NBN: variants seen among roughly 807,000 people sequenced by gnomAD.
NBN encodes nibrin.
A neutral mutation model predicts 90.8 loss-of-function variants in NBN; 88 were observed. The observed-to-expected ratio is 0.97, with a 90% confidence interval of 0.82 to 1.16. The LOEUF (loss-of-function observed/expected upper bound fraction) is 1.16. Among genes scored for constraint, NBN ranks in the 50% most tolerant of loss-of-function variants. NBN has a pLI of 0.00. For missense variants in NBN, 894 were observed against 869.6 expected (o/e 1.03, Z -0.35); for synonymous variants, 328 against 295.1 (o/e 1.11, Z -1.14).
chr8:89,975,339 T>C (rs1239000617), intron 5 of NBN, among the ~76,000 whole-genome samples: 3 of 152,218 alleles, frequency 2.0e-5, no homozygotes, highest in Non-Finnish European at 2.9e-5. Flanking sequence ...GGTACTTATG[T>C]AATCAAAGGC....
At chr8:89,980,678 G>C (rs1186754756) in intron 4 of NBN, 56 bp downstream of exon 4, 41 of 1,474,352 alleles carry the variant, frequency 2.8e-5, no homozygotes, top group Non-Finnish European at 3.8e-5. Flanking sequence ...TGTATAGTGG[G>C]TAAGCTTAAA....
At chr8:89,978,938 G>A (rs1480928357) in intron 4 of NBN, among the ~76,000 whole-genome samples, 1 of 152,170 alleles carries the variant, frequency 6.6e-6, no homozygotes, top group Non-Finnish European at 1.5e-5. Flanking sequence ...ATTAGAAAAT[G>A]CTACAGTGGG....
At chr8:89,946,423 T>C (rs1391905509) in intron 12 of NBN, 128 bp from the exon 13 acceptor site, 3 of 803,426 alleles carry the variant, frequency 3.7e-6, no homozygotes, top group Non-Finnish European at 6.1e-6. Context: ...TTATTTCTTG[T>C]ACCTGAACTT....
intron 11 of NBN, among the ~76,000 whole-genome samples, chr8:89,951,259 C>A (rs966347060): frequency 7.5e-6 from 1 of 132,594 alleles, no homozygotes; most frequent in Non-Finnish European, 1.5e-5. Context: ...TTGCAGTGAG[C>A]GGAGATCACG....
chr8:89,980,824 T>C lies in NBN; in HGVS notation c.390A>G (p.Gln130=), dbSNP rs146150499. The C allele has an allele frequency of 1.3e-5, 21 of 1,612,716 alleles. No homozygotes were observed. Among genetic ancestry groups the C allele is most frequent in the Non-Finnish European group, 1.7e-5 (20 of 1,179,042 alleles). Residue 130 remains glutamine, a synonymous_variant, in exon 4 of 16, where the codon CAA becomes CAG. Coordinates refer to ENST00000265433, the MANE Select transcript of NBN (RefSeq NM_002485.5). ...LDVSGKTALN[Q]AILQLGGFTV... The stretch of plus-strand genomic sequence containing the variant: ...TAAATCCTCCAAGTTGCAATATAGC[T>C]TGATTTAAAGCAGTTTTCCCAGAGA...
chr8:89,947,570 G>A (rs770140762), intron 12 of NBN, among the ~76,000 whole-genome samples: 37 of 151,828 alleles, frequency 2.4e-4, no homozygotes, highest in Middle Eastern at 6.8e-3. Flanking sequence ...CTGAGGTTGC[G>A]GTGAGCCGAG....
At position 89,970,350 on chromosome 8, in the gene NBN, G is replaced by A; in HGVS notation, c.896+14C>T. The A allele has an allele frequency of 6.3e-7, 1 of 1,588,254 alleles. No homozygotes were observed. Among genetic ancestry groups the A allele is most frequent in the Non-Finnish European group, 8.6e-7 (1 of 1,157,794 alleles). The stretch of plus-strand genomic sequence containing the variant: ...CTACTTGCAGTTTTTTACTAATAAA[G>A]AATAATTCTATACCTTTGGAGCATA... On this transcript the variant is annotated intron_variant, in intron 7 of 15. Coordinates refer to ENST00000265433, the MANE Select transcript of NBN (RefSeq NM_002485.5).
At position 89,970,311 on chromosome 8, in the gene NBN, A is replaced by C. The variant is rs555339004; in HGVS notation, c.896+53T>G. On this transcript the variant is annotated intron_variant, in intron 7 of 15. Coordinates refer to ENST00000265433, the MANE Select transcript of NBN (RefSeq NM_002485.5). ...TAGGTGAAAAGCAACAAAAAAGGTTAAACATAAAATCTCCTACTTGCAGTT... is the reference window on the plus strand; with the variant it reads ...TAGGTGAAAAGCAACAAAAAAGGTTCAACATAAAATCTCCTACTTGCAGTT... 2.7e-6 allele frequency: 4 copies of C among 1,457,166 alleles called. No homozygotes were observed. The African/African-American group carries it at 5.6e-5, about 20-fold the overall frequency. The allele number at this position is 1,457,166 out of a possible 1,614,324, so 90.3% of individuals were successfully genotyped here. A position where few individuals can be genotyped will look rare whatever the true frequency, so the allele number is the denominator to read the frequency against.
At chr8:89,965,729 A>C (rs1293359295) in intron 7 of NBN, among the ~76,000 whole-genome samples, 1 of 152,082 alleles carries the variant, frequency 6.6e-6, no homozygotes, top group Admixed American at 6.5e-5. Flanking sequence ...GCCTCAAGTG[A>C]TCCACCCTCC....
In NBN at chr8:89,980,874, C is replaced by T. The variant is rs771034958; in HGVS notation, c.340G>A (p.Val114Ile). 1 of 1,612,648 alleles carries T rather than the reference C, an allele frequency of 6.2e-7. No homozygotes were observed. Reference sequence around the variant, plus strand: ...ACATCTAAACAAGAAGAGCATGCAACCAAAGGCTCATACTCTATTCTGTAA... The same window carrying T: ...ACATCTAAACAAGAAGAGCATGCAATCAAAGGCTCATACTCTATTCTGTAA... ...SKFRIEYEPL[V>I]ACSSCLDVSG... Residue 114 changes from valine to isoleucine, a missense_variant, in exon 4 of 16, where the codon GTT (valine) becomes ATT (isoleucine). By Grantham distance (29) the Val-to-Ile change is conservative (BLOSUM62 3). Coordinates refer to ENST00000265433, the MANE Select transcript of NBN (RefSeq NM_002485.5).
Position 89,939,544 on chromosome 8 carries a change from AAGG to A in NBN, c.2185-2472_2185-2470del, listed in dbSNP as rs150027528. On this transcript the variant is annotated intron_variant, in intron 14 of 15. Transcript: ENST00000265433. ...CAAAACTCGACAGTGTTAATTAATC[AAGG>A]AGAAGAGTTTAAGCCATGCCATACG... 3.9e-3 allele frequency among the ~76,000 whole-genome samples: 589 copies of A among 152,350 alleles called. 8 individuals carry two copies. Among genetic ancestry groups the A allele is most frequent in the African/African-American group, 0.013 (535 of 41,596 alleles).
intron 14 of NBN, among the ~76,000 whole-genome samples, chr8:89,937,665 T>C (rs1199391819): frequency 6.6e-6 from 1 of 152,190 alleles, no homozygotes; most frequent in Admixed American, 6.5e-5. Context: ...TTGAAACCCT[T>C]CGTGACTTCT....
In NBN at chr8:89,935,261, G is replaced by GTACT. The variant is rs1809615941; in HGVS notation, c.*320_*321insAGTA. ...TGAATTTTTTTCTGAGGGGAACCAA[G>GTACT]TAGCTAGGACAATGGTGGAAGGGTG... On this transcript the variant is annotated 3_prime_UTR_variant, in exon 16 of 16. Coordinates refer to ENST00000265433, the MANE Select transcript of NBN (RefSeq NM_002485.5). The GTACT allele has an allele frequency of 3.4e-6, 1 of 297,820 alleles. No individual in the cohort carries two copies. The highest frequency in any genetic ancestry group is 2.2e-5 in the African/African-American group (1 of 46,370). The allele number at this position is 297,820 out of a possible 1,614,324, so 18.4% of individuals were successfully genotyped here.
chr8:89,977,479 G>A (rs1049570682), intron 5 of NBN, among the ~76,000 whole-genome samples: 11 of 152,106 alleles, frequency 7.2e-5, no homozygotes, highest in African/African-American at 2.4e-4. Context: ...TATCATTGAT[G>A]GGCATTTGGG....
At position 89,984,557 on chromosome 8, in the gene NBN, CA is replaced by C. The variant is rs1275657359; in HGVS notation, c.4del (p.Trp2GlyfsTer18). 1 of 1,613,194 alleles carries C rather than the reference CA, an allele frequency of 6.2e-7. No individual in the cohort carries two copies. Among genetic ancestry groups the C allele is most frequent in the Admixed American group, 1.7e-5 (1 of 60,024 alleles). M[W>X]KLLPAAGPAG... The stretch of plus-strand genomic sequence containing the variant: ...CGGGCCCGCGGCGGGCAGCAGTTTC[CA>C]CATCGGTCCGGCTCCTCAGGGCTGG... On this transcript the variant is annotated frameshift_variant, in exon 1 of 16. Coordinates refer to ENST00000265433, the MANE Select transcript of NBN (RefSeq NM_002485.5). LOFTEE classifies it high-confidence loss of function.
chr8:89,956,230 G>A (rs1443861467), intron 9 of NBN, among the ~76,000 whole-genome samples: 1 of 149,758 alleles, frequency 6.7e-6, no homozygotes, highest in Non-Finnish European at 1.5e-5. Context: ...AGGTCAGGCT[G>A]TCATTCAAGC....
rs191514058 is a variant in NBN, at chr8:89,982,864, A to C, written c.38-9T>G. The stretch of plus-strand genomic sequence containing the variant: ...AAGTCTGTATGGTTCTCCTGAGATA[A>C]ATTTTTTTTTAAAAAAAGATAAGTT... On this transcript the variant is annotated splice_polypyrimidine_tract_variant and intron_variant, in intron 1 of 15. Transcript: ENST00000265433. 4 of 1,612,686 alleles carry C rather than the reference A, an allele frequency of 2.5e-6. No homozygotes were observed. The East Asian group carries it at 8.9e-5, about 36-fold the overall frequency.
chr8:89,967,783 T>C (rs774903680), intron 7 of NBN, among the ~76,000 whole-genome samples: 5 of 152,210 alleles, frequency 3.3e-5, no homozygotes, highest in Non-Finnish European at 7.3e-5. Flanking sequence ...ACTTCTGACA[T>C]CTAATCAATA....
Position 89,971,157 on chromosome 8 carries a change from C to A in NBN, c.702+16G>T. The A allele has an allele frequency of 6.2e-7, 1 of 1,607,574 alleles. No homozygotes were observed. On this transcript the variant is annotated intron_variant, in intron 6 of 15. Coordinates refer to ENST00000265433, the MANE Select transcript of NBN (RefSeq NM_002485.5). ...TAATGTATTCTTTAGGAAAATTTAG[C>A]TTATAACATAATTACCTGTTTGGCA...
Sources: gnomAD v4.1 joint callset for allele counts (sites outside exome capture counted in the v4.1 genomes callset) on GRCh38, gnomAD v4.1.1 for gene constraint, MANE v1.5 for transcripts, NCBI Gene and HGNC (gene_info 2026-07-23, HGNC 2026-07-21) for gene names.